The following POU5F2 variants were observed in gnomAD, a reference collection of about 807,000 sequenced individuals.
POU5F2 encodes the protein POU domain, class 5, transcription factor 2.
For synonymous variants in POU5F2, 191 were observed against 178.7 expected (o/e 1.07, Z -0.55); for missense variants, 401 against 426.6 (o/e 0.94, Z 0.53).
chr5:93,735,010 G>C lies in POU5F2; in HGVS notation c.*5567C>G, dbSNP rs1746917198. ...GACCTCAAGTGATCTGTCCACCTCG[G>C]CCTCCCAAAGTGCTGGAATTACAGG... On this transcript the variant is annotated 3_prime_UTR_variant, in exon 1 of 1. Coordinates refer to ENST00000606183, the MANE Select transcript of POU5F2 (RefSeq NM_153216.2). 1 of 152,086 alleles carries C rather than the reference G, an allele frequency of 6.6e-6. No homozygotes were observed. Among genetic ancestry groups the C allele is most frequent in the Non-Finnish European group, 1.5e-5 (1 of 68,080 alleles). 9.4% of individuals were successfully genotyped at this position (152,086 alleles called of 1,614,324 possible).
Position 93,734,133 on chromosome 5 carries a change from C to T in POU5F2, c.*6444G>A, listed in dbSNP as rs896804846. ...CATGATTTCTTAGAGAATAAGAAAA[C>T]TTCTAGGAAAAAGAGAAATTGTTCC... On this transcript the variant is annotated 3_prime_UTR_variant, in exon 1 of 1. Transcript: ENST00000606183. 6.6e-6 allele frequency: 1 copy of T among 152,068 alleles called. No homozygotes were observed. The highest frequency in any genetic ancestry group is 2.4e-5 in the African/African-American group (1 of 41,414). The allele number at this position is 152,068 out of a possible 1,614,324, so 9.4% of individuals were successfully genotyped here. A position where few individuals can be genotyped will look rare whatever the true frequency, so the allele number is the denominator to read the frequency against.
In POU5F2 at chr5:93,740,433, T is replaced by C. The variant is rs1748140974; in HGVS notation, c.*144A>G. 3.5e-6 allele frequency: 3 copies of C among 847,784 alleles called. No homozygotes were observed. Among genetic ancestry groups the C allele is most frequent in the Non-Finnish European group, 5.4e-6 (3 of 559,604 alleles). 52.5% of individuals were successfully genotyped at this position (847,784 alleles called of 1,614,324 possible). A position where few individuals can be genotyped will look rare whatever the true frequency, so the allele number is the denominator to read the frequency against. On this transcript the variant is annotated 3_prime_UTR_variant, in exon 1 of 1. Transcript: ENST00000606183. ...TTTTCTTGAACAATTCCCACCCCCA[T>C]TCCCTACTATGTATCCTTAACTTCT...
rs1219202082 is a variant in POU5F2, at chr5:93,740,190, C to T, written c.*387G>A. The T allele has an allele frequency of 6.1e-6, 1 of 163,176 alleles. No individual in the cohort carries two copies. Among genetic ancestry groups the T allele is most frequent in the African/African-American group, 2.4e-5 (1 of 41,600 alleles). The allele number at this position is 163,176 out of a possible 1,614,324, so 10.1% of individuals were successfully genotyped here. A position where few individuals can be genotyped will look rare whatever the true frequency, so the allele number is the denominator to read the frequency against. ...GTAAAAAATTGTATACTAAGGTAGT[C>T]TTCTGTGACTTGAGTTTTTCACTTA... On this transcript the variant is annotated 3_prime_UTR_variant, in exon 1 of 1. Transcript: ENST00000606183.
chr5:93,741,076 GTCGTCTGGCTAAGCACCTT>G, the POU5F2 span: 1 of 1,613,846 alleles, frequency 6.2e-7, no homozygotes. Context: ...GCGGCAGATG[GTCGTCTGGCTAAGCACCTT>G]CCCAAACAGA....
At position 93,741,194 on chromosome 5, in the gene POU5F2, T is replaced by C; in HGVS notation, c.370A>G (p.Lys124Glu). The part of the protein sequence containing the change: ...PPPEDISGIL[K>E]ELQQLAKELR... ...TCCTTGGCCAATTGCTGCAACTCTT[T>C]CAGTATGCCCGAGATGTCCTCTGGC... The change falls in exon 1 of 1, where the codon AAA (lysine) becomes GAA (glutamate). Residue 124 changes from lysine (K) to glutamate (E), a missense_variant. Physicochemically the swap from Lys to Glu is moderately conservative, Grantham distance 56 (BLOSUM62 1). Transcript: ENST00000606183. The C allele has an allele frequency of 1.2e-6, 2 of 1,613,856 alleles. No individual in the cohort carries two copies. The highest frequency in any genetic ancestry group is 1.7e-6 in the Non-Finnish European group (2 of 1,179,880).
chr5:93,740,876 G>A, the POU5F2 span: 2 of 1,613,960 alleles, frequency 1.2e-6, no homozygotes, highest in South Asian at 1.1e-5. Flanking sequence ...GGGCACCGCT[G>A]GAAGAATTTC....
Position 93,736,058 on chromosome 5 carries a change from T to C in POU5F2, c.*4519A>G, listed in dbSNP as rs1747141767. The C allele has an allele frequency of 6.6e-6, 1 of 152,176 alleles. No homozygotes were observed. Among genetic ancestry groups the C allele is most frequent in the African/African-American group, 2.4e-5 (1 of 41,448 alleles). 9.4% of individuals were successfully genotyped at this position (152,176 alleles called of 1,614,324 possible). A position where few individuals can be genotyped will look rare whatever the true frequency, so the allele number is the denominator to read the frequency against. On this transcript the variant is annotated 3_prime_UTR_variant, in exon 1 of 1. Coordinates refer to ENST00000606183, the MANE Select transcript of POU5F2 (RefSeq NM_153216.2). ...GGATAAAAAAGCTGTAGTGTGGAAT[T>C]CATTTCCACACTTTTTATCCAGTGC...
chr5:93,740,905 C>A lies in POU5F2; in HGVS notation c.659G>T (p.Arg220Leu). The A allele has an allele frequency of 6.2e-7, 1 of 1,613,974 alleles. No homozygotes were observed. Among genetic ancestry groups the A allele is most frequent in the Non-Finnish European group, 8.5e-7 (1 of 1,179,884 alleles). ...GKWRRASRER[R>L]IGNSLEKFFQ... ...GAATTTCTCCAGGCTGTTTCCGATT[C>A]GTCGCTCTCTGCTTGCCCGTCTCCA... is the stretch of plus-strand genomic sequence containing the variant. Residue 220 changes from arginine (R) to leucine (L), a missense_variant, in exon 1 of 1, where the codon CGA becomes CTA. Physicochemically the swap from Arg to Leu is moderately radical, Grantham distance 102 (BLOSUM62 -2). Transcript: ENST00000606183.
Position 93,735,123 on chromosome 5 carries a change from C to T in POU5F2, c.*5454G>A, listed in dbSNP as rs1746939444. ...ACATTTAACATTGTTAACTACTTAA[C>T]AATATAGTCTTGGTTTTCTCCCAAC... is the stretch of plus-strand genomic sequence containing the variant. On this transcript the variant is annotated 3_prime_UTR_variant, in exon 1 of 1. Transcript: ENST00000606183. 1 of 152,154 alleles carries T rather than the reference C, an allele frequency of 6.6e-6. No homozygotes were observed. Among genetic ancestry groups the T allele is most frequent in the Admixed American group, 6.5e-5 (1 of 15,276 alleles). The allele number at this position is 152,154 out of a possible 1,614,324, so 9.4% of individuals were successfully genotyped here.
chr5:93,741,528 G>A lies in POU5F2; in HGVS notation c.36C>T (p.Pro12=), dbSNP rs372798416. The change falls in exon 1 of 1, where the codon CCC becomes CCT. Residue 12 remains proline (P), a synonymous_variant. Coordinates refer to ENST00000606183, the MANE Select transcript of POU5F2 (RefSeq NM_153216.2). The part of the protein sequence containing the change: ...AGHRPSNHFC[P]LPGSGGGGPR... The stretch of plus-strand genomic sequence containing the variant: ...GGCCGCCCCCACCACTGCCTGGAAG[G>A]GGGCAGAAGTGGTTTGAGGGCCTGT... 11 of 1,600,348 alleles carry A rather than the reference G, an allele frequency of 6.9e-6. No homozygotes were observed. Among genetic ancestry groups the A allele is most frequent in the Non-Finnish European group, 9.4e-6 (11 of 1,173,660 alleles).
rs1334256825 is a variant in POU5F2, at chr5:93,735,565, A to G, written c.*5012T>C. On this transcript the variant is annotated 3_prime_UTR_variant, in exon 1 of 1. Transcript: ENST00000606183. ...AGAGTTGTTTATTCTGGCATTCAACATGGTCTGACTCTGCTGAAACATCTC... is the reference window on the plus strand; with the variant it reads ...AGAGTTGTTTATTCTGGCATTCAACGTGGTCTGACTCTGCTGAAACATCTC... The G allele has an allele frequency of 6.6e-6, 1 of 152,200 alleles. No homozygotes were observed. The highest frequency in any genetic ancestry group is 1.5e-5 in the Non-Finnish European group (1 of 68,046). The allele number at this position is 152,200 out of a possible 1,614,324, so 9.4% of individuals were successfully genotyped here. A position where few individuals can be genotyped will look rare whatever the true frequency, so the allele number is the denominator to read the frequency against.
Position 93,736,286 on chromosome 5 carries a change from C to G in POU5F2, c.*4291G>C, listed in dbSNP as rs1747195740. 6.6e-6 allele frequency: 1 copy of G among 152,114 alleles called. No homozygotes were observed. Among genetic ancestry groups the G allele is most frequent in the East Asian group, 1.9e-4 (1 of 5,180 alleles). The allele number at this position is 152,114 out of a possible 1,614,324, so 9.4% of individuals were successfully genotyped here. Reference sequence around the variant, plus strand: ...CCTCCATTGTCCACCTGAAACAATACAGCTTATAGGTGTGTTCTGAAAACT... The same window carrying G: ...CCTCCATTGTCCACCTGAAACAATAGAGCTTATAGGTGTGTTCTGAAAACT... On this transcript the variant is annotated 3_prime_UTR_variant, in exon 1 of 1. Transcript: ENST00000606183.
In POU5F2 at chr5:93,738,318, A is replaced by G. The variant is rs1337515915; in HGVS notation, c.*2259T>C. On this transcript the variant is annotated 3_prime_UTR_variant, in exon 1 of 1. Coordinates refer to ENST00000606183, the MANE Select transcript of POU5F2 (RefSeq NM_153216.2). ...TAACAAGTGTTGCCAGGGATATGGA[A>G]AAACTAGAACTCTTGTAGATTGCTG... 6.5e-6 allele frequency: 1 copy of G among 153,172 alleles called. No homozygotes were observed. The allele number at this position is 153,172 out of a possible 1,614,324, so 9.5% of individuals were successfully genotyped here.
At position 93,733,561 on chromosome 5, in the gene POU5F2, C is replaced by T. The variant is rs1025875599; in HGVS notation, c.*7016G>A. 6 of 152,114 alleles carry T rather than the reference C, an allele frequency of 3.9e-5. No individual in the cohort carries two copies. The highest frequency in any genetic ancestry group is 9.7e-5 in the African/African-American group (4 of 41,408). 9.4% of individuals were successfully genotyped at this position (152,114 alleles called of 1,614,324 possible). ...GAAATGATGGGCCAATGGAAATGCA[C>T]ATTTTAAAAGATTTCCATATGAATT... On this transcript the variant is annotated 3_prime_UTR_variant, in exon 1 of 1. Coordinates refer to ENST00000606183, the MANE Select transcript of POU5F2 (RefSeq NM_153216.2).
Position 93,736,051 on chromosome 5 carries a change from G to A in POU5F2, c.*4526C>T, listed in dbSNP as rs1274043003. On this transcript the variant is annotated 3_prime_UTR_variant, in exon 1 of 1. Transcript: ENST00000606183. The stretch of plus-strand genomic sequence containing the variant: ...GCCCTAAGGATAAAAAAGCTGTAGT[G>A]TGGAATTCATTTCCACACTTTTTAT... 1.3e-5 allele frequency: 2 copies of A among 152,134 alleles called. No individual in the cohort carries two copies. The highest frequency in any genetic ancestry group is 2.9e-5 in the Non-Finnish European group (2 of 68,030). The allele number at this position is 152,134 out of a possible 1,614,324, so 9.4% of individuals were successfully genotyped here.
rs537386489 is a variant in POU5F2, at chr5:93,740,585, TGAG to T, written c.976_978del (p.Leu326del). 3,163 of 1,592,354 alleles carry T rather than the reference TGAG, an allele frequency of 2.0e-3. 3 individuals are homozygous for T. Among genetic ancestry groups the T allele is most frequent in the Non-Finnish European group, 2.5e-3 (2,893 of 1,163,182 alleles). On this transcript the variant is annotated inframe_deletion, in exon 1 of 1. Coordinates refer to ENST00000606183, the MANE Select transcript of POU5F2 (RefSeq NM_153216.2). The stretch of plus-strand genomic sequence containing the variant: ...GGGCAAGCCCCTCAGCCCTAAAATC[TGAG>T]GAGGCCCAGAGTGGTGGCTGGGGCA...
At position 93,740,464 on chromosome 5, in the gene POU5F2, C is replaced by A; in HGVS notation, c.*113G>T. 8.5e-7 allele frequency: 1 copy of A among 1,172,420 alleles called. No individual in the cohort carries two copies. Among genetic ancestry groups the A allele is most frequent in the East Asian group, 2.4e-5 (1 of 41,776 alleles). 72.6% of individuals were successfully genotyped at this position (1,172,420 alleles called of 1,614,324 possible). The stretch of plus-strand genomic sequence containing the variant: ...ACTATGTATCCTTAACTTCTTTAGA[C>A]AGTGAATGAGAAATTAATACTAAAA... On this transcript the variant is annotated 3_prime_UTR_variant, in exon 1 of 1. Transcript: ENST00000606183.
rs917530697 is a variant in POU5F2 at position 93,736,140 on chromosome 5, T to C, written c.*4437A>G. On this transcript the variant is annotated 3_prime_UTR_variant, in exon 1 of 1. Transcript: ENST00000606183. ...GACCATGGGAAGCTGTGCTGATATA[T>C]ACGGTTCATTTACACTTGCTTTGTG... 6.6e-6 allele frequency: 1 copy of C among 152,144 alleles called. No individual in the cohort carries two copies. Among genetic ancestry groups the C allele is most frequent in the Non-Finnish European group, 1.5e-5 (1 of 68,026 alleles). 9.4% of individuals were successfully genotyped at this position (152,144 alleles called of 1,614,324 possible). A position where few individuals can be genotyped will look rare whatever the true frequency, so the allele number is the denominator to read the frequency against.
At position 93,738,627 on chromosome 5, in the gene POU5F2, T is replaced by C. The variant is rs1037813240; in HGVS notation, c.*1950A>G. On this transcript the variant is annotated 3_prime_UTR_variant, in exon 1 of 1. Coordinates refer to ENST00000606183, the MANE Select transcript of POU5F2 (RefSeq NM_153216.2). ...CATACAATGGAATATTATTCAGTCA[T>C]AAAAAAGGAATGAAGTTCTGATACA... is the stretch of plus-strand genomic sequence containing the variant. 3 of 152,112 alleles carry C rather than the reference T, an allele frequency of 2.0e-5. No homozygotes were observed. Among genetic ancestry groups the C allele is most frequent in the East Asian group, 1.9e-4 (1 of 5,194 alleles). 9.4% of individuals were successfully genotyped at this position (152,112 alleles called of 1,614,324 possible). A position where few individuals can be genotyped will look rare whatever the true frequency, so the allele number is the denominator to read the frequency against.
Sources: allele counts gnomAD v4.1 joint callset, GRCh38; gene constraint gnomAD v4.1.1; transcripts MANE v1.5; gene names NCBI Gene and HGNC (gene_info 2026-07-23, HGNC 2026-07-21).